Variants in CMIP observed in about 807,000 individuals in gnomAD.
CMIP encodes the protein c-Maf inducing protein.
CMIP carries 13 observed loss-of-function variants against 97.3 expected under a neutral mutation model. That is an observed-to-expected ratio of 0.13 (90% confidence interval 0.09 to 0.21). The LOEUF is 0.21. Among genes scored for constraint, CMIP ranks in the 10% least tolerant of loss-of-function variants. CMIP has a pLI of 1.00. For synonymous variants in CMIP, 538 were observed against 436.3 expected, an observed-to-expected ratio of 1.23 and a Z score of -2.91; for missense variants, 847 against 1,024.9, an observed-to-expected ratio of 0.83 and a Z score of 2.37.
chr16:81,673,848 C>G (rs1348619186), intron 9 of CMIP, among the ~76,000 whole-genome samples: 1 of 152,204 alleles, frequency 6.6e-6, no homozygotes, highest in African/African-American at 2.4e-5. Flanking sequence ...AGGTGGTACA[C>G]TACACAACTC....
At position 81,627,104 on chromosome 16, in the gene CMIP, AGAGT is replaced by A. The variant is rs1056801034; in HGVS notation, c.477+6180_477+6183del. Among the ~76,000 whole-genome samples, 1 of 114,594 alleles carries A rather than the reference AGAGT, an allele frequency of 8.7e-6. No individual in the cohort carries two copies. Among genetic ancestry groups the A allele is most frequent in the Non-Finnish European group, 1.8e-5 (1 of 56,328 alleles). The allele number at this position is 114,594 out of a possible 152,430, so 75.2% of individuals were successfully genotyped here. The stretch of plus-strand genomic sequence containing the variant: ...TGTGTGGTGTGTGGGGGTGACTGTG[AGAGT>A]GTGTGTGTGGTGTGTGTGTGGCATA... On this transcript the variant is annotated intron_variant, in intron 3 of 20. Coordinates refer to ENST00000537098, the MANE Select transcript of CMIP (RefSeq NM_198390.3). The surrounding 1 kb of genome is among the most constrained non-coding windows in gnomAD (Gnocchi z 4.6).
chr16:81,667,799 A>AGAGAGAGT, intron 7 of CMIP, among the ~76,000 whole-genome samples: 168 of 58,128 alleles, frequency 2.9e-3, no homozygotes, highest in Non-Finnish European at 4.3e-3. Flanking sequence ...AGAGAGAGAG[A>AGAGAGAGT]GTGTGTGTGT....
intron 1 of CMIP, among the ~76,000 whole-genome samples, chr16:81,544,043 G>A (rs1358198850): frequency 1.3e-5 from 2 of 152,196 alleles, no homozygotes; most frequent in African/African-American, 2.4e-5. Flanking sequence ...CCTCCTTGGG[G>A]TACCCATTCC....
intron 1 of CMIP, among the ~76,000 whole-genome samples, chr16:81,604,318 C>G (rs890519729): frequency 1.3e-5 from 2 of 150,844 alleles, no homozygotes; most frequent in African/African-American, 2.5e-5. Context: ...ATCGCTTGAA[C>G]CCGAGTGGCG....
At chr16:81,565,939 C>T (rs190231620) in intron 1 of CMIP, among the ~76,000 whole-genome samples, 10 of 152,220 alleles carry the variant, frequency 6.6e-5, no homozygotes, top group Non-Finnish European at 1.5e-4. Flanking sequence ...CCTCCTTCAC[C>T]TTTCAGGACC....
chr16:81,520,725 T>A (rs985537857), intron 1 of CMIP: 2 of 151,716 alleles, frequency 1.3e-5, no homozygotes, highest in Non-Finnish European at 2.9e-5. Context: ...GACTGGAGAG[T>A]CAGACAGTCT....
At chr16:81,617,779 C>T (rs889261357) in intron 2 of CMIP, among the ~76,000 whole-genome samples, 1 of 152,252 alleles carries the variant, frequency 6.6e-6, no homozygotes, top group Non-Finnish European at 1.5e-5. Context: ...CTAGTCCATT[C>T]ATTCCTTTGT....
chr16:81,586,780 G>T (rs1204183576), intron 1 of CMIP, among the ~76,000 whole-genome samples: 1 of 152,092 alleles, frequency 6.6e-6, no homozygotes, highest in Non-Finnish European at 1.5e-5. Flanking sequence ...GTAGACATCT[G>T]ACTCCCCACT....
chr16:81,512,299 G>A (rs939490229), intron 1 of CMIP, among the ~76,000 whole-genome samples: 1 of 152,062 alleles, frequency 6.6e-6, no homozygotes, highest in African/African-American at 2.4e-5. Flanking sequence ...ATGCCTTGGT[G>A]GGGGTCTTTC....
chr16:81,469,556 G>A (rs1321738715), intron 1 of CMIP, among the ~76,000 whole-genome samples: 1 of 152,174 alleles, frequency 6.6e-6, no homozygotes, highest in Admixed American at 6.5e-5. Context: ...TTACAGAGGA[G>A]GGGACCTGAC....
At chr16:81,707,601 T>C (rs1228266365) in intron 20 of CMIP, among the ~76,000 whole-genome samples, 1 of 152,266 alleles carries the variant, frequency 6.6e-6, no homozygotes, top group African/African-American at 2.4e-5. Flanking sequence ...TGAGCAGGGC[T>C]GGTGCCTCAC....
intron 1 of CMIP, among the ~76,000 whole-genome samples, chr16:81,452,459 G>T (rs183653222): frequency 1.4e-4 from 21 of 152,304 alleles, no homozygotes; most frequent in Admixed American, 1.4e-3. Flanking sequence ...TGGAGCCTGT[G>T]TTGGTGGGAG....
chr16:81,684,104 C>G (rs570260975), intron 10 of CMIP, among the ~76,000 whole-genome samples: 115 of 152,314 alleles, frequency 7.6e-4, no homozygotes, highest in Non-Finnish European at 1.4e-3. Context: ...CACATGATAA[C>G]TCTAGAAACT....
intron 1 of CMIP, chr16:81,520,404 A>T (rs1309203855): frequency 1.3e-5 from 2 of 152,254 alleles, no homozygotes; most frequent in East Asian, 3.9e-4. Context: ...ACTTAAAATA[A>T]TGCTTATTAA....
chr16:81,635,715 G>A (rs950828281), intron 3 of CMIP, among the ~76,000 whole-genome samples: 9 of 152,184 alleles, frequency 5.9e-5, no homozygotes, highest in East Asian at 1.9e-4. Context: ...GTCTGCAAAC[G>A]ATCTGGCCCA....
intron 14 of CMIP, chr16:81,697,939 C>T (rs1023984923): frequency 6.6e-6 from 1 of 152,516 alleles, no homozygotes; most frequent in African/African-American, 2.4e-5. Context: ...TCTCGGTCAC[C>T]TCTCGGGTTC....
At chr16:81,548,130 CT>C (rs11351275) in intron 1 of CMIP, among the ~76,000 whole-genome samples, 38,809 of 111,396 alleles carry the variant, frequency 0.35, 4,327 homozygotes, top group Non-Finnish European at 0.37. Context: ...GGATGGATCA[CT>C]TTTTTTTTTT....
At chr16:81,452,969 C>T (rs1906326654) in intron 1 of CMIP, among the ~76,000 whole-genome samples, 1 of 136,636 alleles carries the variant, frequency 7.3e-6, no homozygotes, top group Admixed American at 8.0e-5. Flanking sequence ...TTAAGAGATT[C>T]TTAAATGACA....
intron 9 of CMIP, among the ~76,000 whole-genome samples, chr16:81,674,706 T>C (rs2092712469): frequency 2.0e-5 from 3 of 152,064 alleles, no homozygotes. Context: ...CTGCCTCAGC[T>C]TCCTGAGTAG....
Sources: gnomAD v4.1 joint callset for allele counts (sites outside exome capture counted in the v4.1 genomes callset) on GRCh38, gnomAD v4.1.1 for gene constraint, Gnocchi (gnomAD v3.1) non-coding constraint, MANE v1.5 for transcripts, NCBI Gene and HGNC (gene_info 2026-07-23, HGNC 2026-07-21) for gene names.